The following JAK2 variants were observed in gnomAD, a reference collection of about 807,000 sequenced individuals.
JAK2 encodes Janus kinase 2, also known as tyrosine-protein kinase JAK2.
Under a neutral mutation model 139.3 loss-of-function variants are expected in JAK2, and 86 were observed. The observed-to-expected ratio is 0.62, with a 90% CI of 0.52 to 0.74. The LOEUF is 0.74. JAK2 is among the 30% of genes least tolerant of loss of function. The probability of loss-of-function intolerance (pLI) is 0.00; values close to 1 mark genes in which losing one functional copy is unlikely to be tolerated. For synonymous variants in JAK2, 490 were observed against 437.7 expected (o/e 1.12, Z -1.49); for missense variants, 1,421 against 1,360.3 (o/e 1.04, Z -0.70).
chr9:5,112,840 G>T, intron 22 of JAK2: 1 of 558,250 alleles, frequency 1.8e-6, no homozygotes, highest in Non-Finnish European at 2.8e-6. Context: ...ACCCCGCTGG[G>T]CACGTGTGAA....
At chr9:5,112,122 C>T (rs1822630155) in intron 22 of JAK2, 2 of 319,902 alleles carry the variant, frequency 6.3e-6, no homozygotes, top group South Asian at 2.5e-5. Flanking sequence ...ACGTGCTCTG[C>T]AGCCACGCCA....
At chr9:5,059,137 A>C (rs905778955) in intron 8 of JAK2, among the ~76,000 whole-genome samples, 31 of 152,246 alleles carry the variant, frequency 2.0e-4, no homozygotes, top group Non-Finnish European at 3.4e-4. Context: ...ATGAATTTTT[A>C]CATATTTGTA....
intron 5 of JAK2, among the ~76,000 whole-genome samples, chr9:5,047,681 C>G (rs1817108888): frequency 1.3e-5 from 2 of 152,182 alleles, no homozygotes; most frequent in Middle Eastern, 6.8e-3. Flanking sequence ...GATTGAACTC[C>G]TGGGCTCCAG....
chr9:5,085,136 G>T, intron 19 of JAK2: 1 of 647,224 alleles, frequency 1.5e-6, no homozygotes, highest in Middle Eastern at 2.6e-4. Flanking sequence ...CCATCACTCT[G>T]TAATACATAC....
At chr9:5,039,395 T>C (rs1816320172) in intron 4 of JAK2, among the ~76,000 whole-genome samples, 1 of 152,152 alleles carries the variant, frequency 6.6e-6, no homozygotes, top group African/African-American at 2.4e-5. Flanking sequence ...TATTAGGTAT[T>C]ATAAATAGTC....
intron 22 of JAK2, chr9:5,110,866 G>C: frequency 2.0e-6 from 1 of 501,138 alleles, no homozygotes; most frequent in South Asian, 1.7e-5. Context: ...ATGCCGCCGC[G>C]CCCAGCAGGG....
At chr9:5,055,172 C>G (rs1817678667) in intron 7 of JAK2, among the ~76,000 whole-genome samples, 1 of 151,906 alleles carries the variant, frequency 6.6e-6, no homozygotes, top group South Asian at 2.1e-4. Flanking sequence ...CCTTTCACTA[C>G]TAGTGATAAC....
In JAK2 at chr9:5,055,978, C is replaced by T. The variant is rs188645232; in HGVS notation, c.1056+190C>T. Reference sequence around the variant, plus strand: ...TTGTATTACTATCAACACCATCTTCCTACAGAGTTTCTTGTACATTACTGT... The same window carrying T: ...TTGTATTACTATCAACACCATCTTCTTACAGAGTTTCTTGTACATTACTGT... On this transcript the variant is annotated intron_variant, in intron 8 of 24. Coordinates refer to ENST00000381652, the MANE Select transcript of JAK2 (RefSeq NM_004972.4). Among the ~76,000 whole-genome samples the T allele has an allele frequency of 4.2e-4, 64 of 152,130 alleles. 1 individual carries two copies. The highest frequency in any genetic ancestry group is 3.4e-3 in the Middle Eastern group (1 of 294).
chr9:5,038,976 T>A (rs944327512), intron 4 of JAK2, among the ~76,000 whole-genome samples: 3 of 152,018 alleles, frequency 2.0e-5, no homozygotes, highest in Non-Finnish European at 2.9e-5. Flanking sequence ...ATAAAAAAAC[T>A]CAACACAATA....
In JAK2 at chr9:5,080,176, GA is replaced by G. The variant is rs1473964320; in HGVS notation, c.2132-52del. 2.0e-5 allele frequency: 26 copies of G among 1,312,530 alleles called. No homozygotes were observed. The Middle Eastern group carries it at 2.3e-3, about 115-fold the overall frequency. The allele number at this position is 1,312,530 out of a possible 1,614,324, so 81.3% of individuals were successfully genotyped here. ...ACTTTAAAGCTATTTACATATAAAA[GA>G]TTGGTTTACTTGTGAATTATTTAAC... On this transcript the variant is annotated intron_variant, in intron 16 of 24. Transcript: ENST00000381652.
intron 2 of JAK2, among the ~76,000 whole-genome samples, chr9:5,007,305 G>A (rs563922792): frequency 6.6e-6 from 1 of 152,126 alleles, no homozygotes; most frequent in South Asian, 2.1e-4. Context: ...TTGATTCAAA[G>A]TATTTTTAAA....
intron 4 of JAK2, among the ~76,000 whole-genome samples, chr9:5,035,271 C>G (rs551452928): frequency 1.4e-4 from 22 of 152,276 alleles, no homozygotes; most frequent in African/African-American, 5.3e-4. Flanking sequence ...AGTCCAGGAC[C>G]AGATGGATTC....
At chr9:4,998,843 T>G (rs1820754002) in intron 2 of JAK2, among the ~76,000 whole-genome samples, 1 of 151,898 alleles carries the variant, frequency 6.6e-6, no homozygotes, top group African/African-American at 2.4e-5. Context: ...CAGGAGTTCT[T>G]TTTTTGAGAT....
At chr9:4,992,439 G>A (rs1412208055) in intron 2 of JAK2, among the ~76,000 whole-genome samples, 2 of 152,186 alleles carry the variant, frequency 1.3e-5, no homozygotes, top group African/African-American at 4.8e-5. Context: ...TCACACTGCA[G>A]AAGAAAAACA....
chr9:5,039,153 G>T (rs1816303575), intron 4 of JAK2, among the ~76,000 whole-genome samples: 1 of 152,046 alleles, frequency 6.6e-6, no homozygotes, highest in Non-Finnish European at 1.5e-5. Flanking sequence ...TAGATTCAGG[G>T]TAGGGAAATT....
chr9:5,061,766 A>T (rs1818190275), intron 8 of JAK2, among the ~76,000 whole-genome samples: 1 of 152,212 alleles, frequency 6.6e-6, no homozygotes, highest in African/African-American at 2.4e-5. Context: ...TTGCCTTTTT[A>T]GTGCAAGAGG....
chr9:5,015,450 G>A (rs560896936), intron 2 of JAK2, among the ~76,000 whole-genome samples: 2 of 152,228 alleles, frequency 1.3e-5, no homozygotes, highest in South Asian at 4.1e-4. Flanking sequence ...AGAAGTAATA[G>A]TGAGTTAAAC....
At chr9:5,037,150 C>T (rs1350396951) in intron 4 of JAK2, among the ~76,000 whole-genome samples, 4 of 152,142 alleles carry the variant, frequency 2.6e-5, no homozygotes, top group Non-Finnish European at 5.9e-5. Context: ...ATCAAAACCA[C>T]AAAGAGATAC....
intron 22 of JAK2, among the ~76,000 whole-genome samples, chr9:5,091,930 A>T (rs1324684141): frequency 6.6e-6 from 1 of 152,026 alleles, no homozygotes; most frequent in Non-Finnish European, 1.5e-5. Flanking sequence ...GGAGTGGTAT[A>T]GTTGTTTGGG....
Sources: gnomAD v4.1 joint callset for allele counts (sites outside exome capture counted in the v4.1 genomes callset) on GRCh38, gnomAD v4.1.1 for gene constraint, MANE v1.5 for transcripts, NCBI Gene and HGNC (gene_info 2026-07-23, HGNC 2026-07-21) for gene names.